Variants in DENND5B observed in about 807,000 individuals in gnomAD.
DENND5B encodes DENN domain-containing protein 5B.
DENND5B carries 34 observed loss-of-function variants against 140.6 expected under a neutral mutation model. The observed-to-expected ratio is 0.24, with a 90% confidence interval of 0.18 to 0.32. DENND5B has a LOEUF of 0.32. Ranked by LOEUF, DENND5B falls within the 10% of genes least tolerant of loss-of-function variation. DENND5B has a pLI of 1.00. For synonymous variants in DENND5B, 551 were observed against 562.1 expected (o/e 0.98, Z 0.28); for missense variants, 1,142 against 1,560.2 (o/e 0.73, Z 4.52).
chr12:31,535,891 A>G (rs1049667937), intron 1 of DENND5B, among the ~76,000 whole-genome samples: 1 of 152,202 alleles, frequency 6.6e-6, no homozygotes, highest in African/African-American at 2.4e-5. Context: ...ATGTCAAATT[A>G]TAATCTCCAA....
chr12:31,487,984 C>T (rs972017209), intron 2 of DENND5B, among the ~76,000 whole-genome samples: 1 of 152,116 alleles, frequency 6.6e-6, no homozygotes, highest in Non-Finnish European at 1.5e-5. Context: ...GAGACGGAAT[C>T]TCACTCTGTC....
intron 1 of DENND5B, among the ~76,000 whole-genome samples, chr12:31,549,467 T>G (rs1280219426): frequency 6.6e-6 from 1 of 152,108 alleles, no homozygotes; most frequent in Admixed American, 6.5e-5. Flanking sequence ...CTTTAGAAAA[T>G]TATTACTTTC....
chr12:31,513,334 A>G (rs989214892), intron 1 of DENND5B, among the ~76,000 whole-genome samples: 3 of 152,164 alleles, frequency 2.0e-5, no homozygotes, highest in Non-Finnish European at 4.4e-5. Context: ...CTCCTTTTCT[A>G]TATTGCAATC....
At chr12:31,527,106 T>G (rs967404143) in intron 1 of DENND5B, among the ~76,000 whole-genome samples, 1 of 151,954 alleles carries the variant, frequency 6.6e-6, no homozygotes, top group African/African-American at 2.4e-5. Flanking sequence ...GAGGGTGATA[T>G]GGAAAAACAT....
rs375729543 is a variant in DENND5B, at chr12:31,389,401, G to T, written c.3564C>A (p.Tyr1188Ter). Residue 1188 changes from tyrosine (Y) to a stop codon, truncating the protein, a stop_gained, in exon 20 of 21, where the codon TAC becomes TAA. Coordinates refer to ENST00000389082, the MANE Select transcript of DENND5B (RefSeq NM_144973.4). LOFTEE classifies it high-confidence loss of function. ...QKSSCKTFCHYVNAINTAPRN... is the reference protein window; with the variant it reads ...QKSSCKTFCH Reference sequence around the variant, plus strand: ...TGGGTGCAGTATTAATAGCATTTACGTAGTGGCAGAAGGTTTTGCAGGATG... The same window carrying T: ...TGGGTGCAGTATTAATAGCATTTACTTAGTGGCAGAAGGTTTTGCAGGATG... 6.2e-7 allele frequency: 1 copy of T among 1,612,826 alleles called. No individual in the cohort carries two copies. Among genetic ancestry groups the T allele is most frequent in the Non-Finnish European group, 8.5e-7 (1 of 1,179,488 alleles).
rs552343607 is a variant in DENND5B, at chr12:31,448,207, C to A, written c.1630-438G>T. Among the ~76,000 whole-genome samples the A allele has an allele frequency of 7.9e-5, 12 of 152,102 alleles. No individual in the cohort carries two copies. The South Asian group carries it at 2.3e-3, about 29-fold the overall frequency. Reference sequence around the variant, plus strand: ...GGAGTGCAGTGGCACGATCTCGGCTCACTGCAAGCTCCCGCCTCCCGGGTT... The same window carrying A: ...GGAGTGCAGTGGCACGATCTCGGCTAACTGCAAGCTCCCGCCTCCCGGGTT... On this transcript the variant is annotated intron_variant, in intron 5 of 20. Transcript: ENST00000389082.
At chr12:31,505,935 A>C (rs1314019958) in intron 1 of DENND5B, among the ~76,000 whole-genome samples, 1 of 152,066 alleles carries the variant, frequency 6.6e-6, no homozygotes, top group African/African-American at 2.4e-5. Context: ...CCCAGGCTCA[A>C]GTGATCCTCT....
intron 2 of DENND5B, among the ~76,000 whole-genome samples, chr12:31,489,866 T>C (rs1022159731): frequency 2.8e-4 from 42 of 152,212 alleles, no homozygotes; most frequent in African/African-American, 8.4e-4. Context: ...TCTGAAGGAA[T>C]AGTAAGAATT....
chr12:31,455,390 C>G (rs1291857246), intron 4 of DENND5B, among the ~76,000 whole-genome samples: 1 of 152,026 alleles, frequency 6.6e-6, no homozygotes, highest in Non-Finnish European at 1.5e-5. Context: ...CTTCATGATC[C>G]CACAAAAGTC....
At chr12:31,526,746 T>G (rs965912361) in intron 1 of DENND5B, among the ~76,000 whole-genome samples, 2 of 152,206 alleles carry the variant, frequency 1.3e-5, no homozygotes, top group African/African-American at 4.8e-5. Context: ...CAATGTTAAT[T>G]TCTTAGTTTT....
chr12:31,398,408 C>T (rs1362065723), intron 16 of DENND5B, 46 bp from the exon 17 acceptor site: 1 of 1,503,638 alleles, frequency 6.7e-7, no homozygotes, highest in Non-Finnish European at 8.9e-7. Context: ...TTTTTTGAGA[C>T]AGGGTTCCCG....
At chr12:31,424,761 G>A in intron 9 of DENND5B, 74 bp from the exon 10 acceptor site, 1 of 1,547,550 alleles carries the variant, frequency 6.5e-7, no homozygotes, top group Non-Finnish European at 8.7e-7. Flanking sequence ...TACTAAAGTA[G>A]GAGACTTGGT....
chr12:31,420,445 A>AT (rs3032941), intron 11 of DENND5B, among the ~76,000 whole-genome samples: 18,612 of 145,064 alleles, frequency 0.13, 1,300 homozygotes, highest in East Asian at 0.25. Context: ...CCTCCCAACA[A>AT]TTTTTTTTTT....
rs561754555 is a variant in DENND5B, at chr12:31,490,534, A to G, written c.237+5276T>C. The stretch of plus-strand genomic sequence containing the variant: ...GGCTGAGGTGGAGGATCGCTAGAGC[A>G]TGGGAGGTCAAGGCTGCAGTGAGCC... On this transcript the variant is annotated intron_variant, in intron 2 of 20. Coordinates refer to ENST00000389082, the MANE Select transcript of DENND5B (RefSeq NM_144973.4). Among the ~76,000 whole-genome samples the G allele has an allele frequency of 1.4e-4, 22 of 152,020 alleles. 1 individual carries two copies. In the Middle Eastern group the frequency reaches 0.01, roughly 71 times the overall value.
At chr12:31,588,326 A>T (rs962087390) in intron 1 of DENND5B, among the ~76,000 whole-genome samples, 2 of 152,260 alleles carry the variant, frequency 1.3e-5, no homozygotes, top group African/African-American at 4.8e-5. Context: ...CTCTGCTGGC[A>T]TGTCCCTAAA....
intron 6 of DENND5B, among the ~76,000 whole-genome samples, chr12:31,443,278 T>C (rs1944126723): frequency 6.6e-6 from 1 of 152,196 alleles, no homozygotes; most frequent in Non-Finnish European, 1.5e-5. Context: ...TTTCATCATG[T>C]TGCTCAGGCT....
intron 5 of DENND5B, among the ~76,000 whole-genome samples, chr12:31,450,416 G>A (rs948778562): frequency 2.0e-5 from 3 of 152,154 alleles, no homozygotes; most frequent in African/African-American, 4.8e-5. Flanking sequence ...CTGGAGTGCA[G>A]TGGCATCATC....
intron 1 of DENND5B, among the ~76,000 whole-genome samples, chr12:31,582,008 A>AT (rs1351678943): frequency 6.6e-6 from 1 of 152,226 alleles, no homozygotes. Context: ...TTAGGGAACA[A>AT]TAGCGAGAAC....
In DENND5B at chr12:31,549,673, T is replaced by C. The variant is rs79776150; in HGVS notation, c.127+41033A>G. Among the ~76,000 whole-genome samples, 19 of 152,236 alleles carry C rather than the reference T, an allele frequency of 1.2e-4. No individual in the cohort carries two copies. The East Asian group carries it at 2.7e-3, about 22-fold the overall frequency. ...GGTATTAAGCCCAGTATGCACTAAA[T>C]ATATTTTTCCTAATGCTCTCTTCCC... On this transcript the variant is annotated intron_variant, in intron 1 of 20. Coordinates refer to ENST00000389082, the MANE Select transcript of DENND5B (RefSeq NM_144973.4).
Sources: allele counts gnomAD v4.1 joint callset (sites outside exome capture counted in the v4.1 genomes callset), GRCh38; gene constraint gnomAD v4.1.1; transcripts MANE v1.5; gene names NCBI Gene and HGNC (gene_info 2026-07-23, HGNC 2026-07-21).